The following SGPP1 variants were observed in gnomAD, a reference collection of about 807,000 sequenced individuals.
SGPP1 encodes hSPP1.
A neutral mutation model predicts 33.0 loss-of-function variants in SGPP1; 21 were observed. The observed-to-expected ratio is 0.64, with a 90% CI of 0.45 to 0.92. SGPP1 has a LOEUF of 0.92. Ranked by LOEUF, SGPP1 falls within the 40% of genes least tolerant of loss-of-function variation. The probability of loss-of-function intolerance (pLI) is 0.00; values close to 1 mark genes in which losing one functional copy is unlikely to be tolerated. For synonymous variants in SGPP1, 239 were observed against 241.2 expected, an observed-to-expected ratio of 0.99 and a Z score of 0.08; for missense variants, 543 against 589.4, an observed-to-expected ratio of 0.92 and a Z score of 0.81.
intron 1 of SGPP1, among the ~76,000 whole-genome samples, chr14:63,715,006 A>G (rs1283385009): frequency 6.7e-6 from 1 of 148,858 alleles, no homozygotes; most frequent in Non-Finnish European, 1.5e-5. Flanking sequence ...TACAGGCATG[A>G]GCCACTGCTC....
intron 1 of SGPP1, among the ~76,000 whole-genome samples, chr14:63,723,161 T>C (rs1449857767): frequency 2.0e-5 from 3 of 152,184 alleles, no homozygotes; most frequent in Non-Finnish European, 4.4e-5. Context: ...TTGTTTATCT[T>C]ATTCTTCAAA....
chr14:63,727,430 T>A lies in SGPP1; in HGVS notation c.515A>T (p.Tyr172Phe). The A allele has an allele frequency of 1.2e-6, 2 of 1,613,740 alleles. No homozygotes were observed. Among genetic ancestry groups the A allele is most frequent in the Non-Finnish European group, 1.7e-6 (2 of 1,179,936 alleles). Residue 172 changes from tyrosine (Y) to phenylalanine (F), a missense_variant, in exon 1 of 3, where the codon TAC (tyrosine) becomes TTC (phenylalanine). Physicochemically the swap from Tyr to Phe is conservative, Grantham distance 22. Coordinates refer to ENST00000247225, the MANE Select transcript of SGPP1 (RefSeq NM_030791.4). ...GATGTCCTTGGTGCACTGGCCCAGG[T>A]ACATGACCAGCACCCAGATGACCAC... ...RLVVIWVLVM[Y>F]LGQCTKDIIR...
At chr14:63,715,383 G>A (rs1252405663) in intron 1 of SGPP1, among the ~76,000 whole-genome samples, 2 of 152,124 alleles carry the variant, frequency 1.3e-5, no homozygotes, top group African/African-American at 2.4e-5. Context: ...TAGTATACCT[G>A]AGTATGCTTA....
chr14:63,707,063 T>C (rs138589547), intron 1 of SGPP1, among the ~76,000 whole-genome samples: 1 of 140,996 alleles, frequency 7.1e-6, no homozygotes, highest in Admixed American at 7.0e-5. Context: ...AAAAAAAAAC[T>C]GACCCATATA....
Position 63,727,546 on chromosome 14 carries a change from GC to G in SGPP1, c.398del (p.Cys133SerfsTer103), listed in dbSNP as rs1291256121. 6.2e-7 allele frequency: 1 copy of G among 1,613,362 alleles called. No individual in the cohort carries two copies. The highest frequency in any genetic ancestry group is 1.1e-5 in the South Asian group (1 of 91,060). ...VSNWPLYCLFCFGTELGNELF... is the reference protein window; with the variant it reads ...VSNWPLYCLFXFGTELGNELF... ...GTTCGTTGCCCAGCTCCGTGCCGAA[GC>G]AGAACAGGCAGTAGAGCGGCCAGTT... On this transcript the variant is annotated frameshift_variant, in exon 1 of 3. Coordinates refer to ENST00000247225, the MANE Select transcript of SGPP1 (RefSeq NM_030791.4). LOFTEE classifies it high-confidence loss of function.
chr14:63,703,655 CAAAAAAAAAAAA>C (rs36065588), intron 1 of SGPP1, among the ~76,000 whole-genome samples: 23 of 38,910 alleles, frequency 5.9e-4, no homozygotes, highest in African/African-American at 1.7e-3. Context: ...GACTCCATCT[CAAAAAAAAAAAA>C]AAAAAAAAAA....
At chr14:63,713,357 T>C (rs1363956977) in intron 1 of SGPP1, among the ~76,000 whole-genome samples, 2 of 152,230 alleles carry the variant, frequency 1.3e-5, no homozygotes, top group African/African-American at 4.8e-5. Flanking sequence ...CCATGTTTTG[T>C]CAATTCTACC....
chr14:63,695,308 T>A (rs1323277024), intron 2 of SGPP1, among the ~76,000 whole-genome samples: 1 of 152,136 alleles, frequency 6.6e-6, no homozygotes, highest in Non-Finnish European at 1.5e-5. Flanking sequence ...CGCCCGCCTC[T>A]GCCTCCCAAA....
At chr14:63,724,366 C>T (rs900693558) in intron 1 of SGPP1, among the ~76,000 whole-genome samples, 18 of 151,910 alleles carry the variant, frequency 1.2e-4, no homozygotes, top group Non-Finnish European at 1.8e-4. Flanking sequence ...TGTTTCAGCA[C>T]GCCAGGCATA....
At chr14:63,718,231 G>T (rs1199710082) in intron 1 of SGPP1, among the ~76,000 whole-genome samples, 1 of 149,936 alleles carries the variant, frequency 6.7e-6, no homozygotes, top group Non-Finnish European at 1.5e-5. Flanking sequence ...CTGGGGAACA[G>T]CGCAAGACTC....
At chr14:63,716,804 CT>C (rs1885638257) in intron 1 of SGPP1, among the ~76,000 whole-genome samples, 1 of 152,036 alleles carries the variant, frequency 6.6e-6, no homozygotes, top group Non-Finnish European at 1.5e-5. Context: ...AGCAATTCTC[CT>C]GCCTCAGCCT....
intron 1 of SGPP1, among the ~76,000 whole-genome samples, chr14:63,713,569 GTCTAAAATCTCTAATA>G (rs1204546396): frequency 6.6e-6 from 1 of 152,062 alleles, no homozygotes; most frequent in Non-Finnish European, 1.5e-5. Flanking sequence ...AATCTCTAAA[GTCTAAAATCTCTAATA>G]TCTAAAATCC....
At chr14:63,710,111 G>A (rs1244913554) in intron 1 of SGPP1, among the ~76,000 whole-genome samples, 1 of 152,188 alleles carries the variant, frequency 6.6e-6, no homozygotes, top group Non-Finnish European at 1.5e-5. Context: ...TAGTGTACAT[G>A]TAAACGGATG....
intron 1 of SGPP1, among the ~76,000 whole-genome samples, chr14:63,724,198 T>A (rs927348150): frequency 6.6e-6 from 1 of 151,864 alleles, no homozygotes; most frequent in Admixed American, 6.6e-5. Flanking sequence ...TCATTTTAAG[T>A]GTAAGTGAGG....
At chr14:63,714,538 A>G (rs184853825) in intron 1 of SGPP1, among the ~76,000 whole-genome samples, 1,532 of 152,124 alleles carry the variant, frequency 0.01, 11 homozygotes, top group Non-Finnish European at 0.016. Context: ...CTCCCACCTC[A>G]GCTTCCCAAG....
intron 1 of SGPP1, among the ~76,000 whole-genome samples, chr14:63,717,319 T>C (rs1023002412): frequency 3.3e-5 from 4 of 122,244 alleles, no homozygotes; most frequent in South Asian, 2.4e-4. Context: ...GAATTTCTCT[T>C]TTTTTTTTTT....
At chr14:63,708,780 AT>A (rs1885468305) in intron 1 of SGPP1, among the ~76,000 whole-genome samples, 1 of 152,166 alleles carries the variant, frequency 6.6e-6, no homozygotes, top group Non-Finnish European at 1.5e-5. Flanking sequence ...TGGCGTAGCT[AT>A]TCTAATTCAC....
At chr14:63,718,855 T>C (rs1885685868) in intron 1 of SGPP1, among the ~76,000 whole-genome samples, 2 of 149,834 alleles carry the variant, frequency 1.3e-5, no homozygotes. Flanking sequence ...ACATAAGTGG[T>C]CAATAAACCT....
chr14:63,692,579 A>T (rs1169242655), intron 2 of SGPP1, among the ~76,000 whole-genome samples: 1 of 151,780 alleles, frequency 6.6e-6, no homozygotes, highest in Non-Finnish European at 1.5e-5. Flanking sequence ...CTTCCCAAGT[A>T]GCTGGGACTA....
Sources: allele counts gnomAD v4.1 joint callset (sites outside exome capture counted in the v4.1 genomes callset), GRCh38; gene constraint gnomAD v4.1.1; transcripts MANE v1.5; gene names NCBI Gene and HGNC (gene_info 2026-07-23, HGNC 2026-07-21).